Variants in ANGPTL3 observed in about 807,000 individuals in gnomAD.
ANGPTL3 encodes the protein angiopoietin-related protein 3.
A neutral mutation model predicts 52.7 loss-of-function variants in ANGPTL3; 51 were observed. That is an observed-to-expected ratio of 0.97 (90% CI 0.77 to 1.22). The LOEUF (loss-of-function observed/expected upper bound fraction) is 1.22, where lower values mean the gene tolerates loss of function less well. Among genes scored for constraint, ANGPTL3 ranks in the 50% most tolerant of loss-of-function variants. ANGPTL3 has a pLI of 0.00. For synonymous variants in ANGPTL3, 185 were observed against 179.8 expected (o/e 1.03, Z -0.23); for missense variants, 506 against 520.7 (o/e 0.97, Z 0.27).
chr1:62,603,647 G>A (rs1173041029), intron 5 of ANGPTL3, among the ~76,000 whole-genome samples: 2 of 151,616 alleles, frequency 1.3e-5, no homozygotes, highest in South Asian at 2.1e-4. Context: ...ATAAAGACTT[G>A]CAAATATTCC....
chr1:62,600,844 C>A (rs1038589701), intron 2 of ANGPTL3, among the ~76,000 whole-genome samples: 1 of 151,746 alleles, frequency 6.6e-6, no homozygotes, highest in African/African-American at 2.4e-5. Context: ...TGTTTTCCGA[C>A]CAATGTCTGC....
At chr1:62,599,859 C>T (rs1649850871) in intron 2 of ANGPTL3, among the ~76,000 whole-genome samples, 1 of 150,294 alleles carries the variant, frequency 6.7e-6, no homozygotes, top group Admixed American at 6.6e-5. Flanking sequence ...AAAGCTATGT[C>T]AGAATCCATG....
rs754529550 is a variant in ANGPTL3 at position 62,597,842 on chromosome 1, CAAA to C, written c.277_279del (p.Lys93del). 16 of 1,604,570 alleles carry C rather than the reference CAAA, an allele frequency of 1.0e-5. No homozygotes were observed. The South Asian group carries it at 1.7e-4, about 17-fold the overall frequency. The stretch of plus-strand genomic sequence containing the variant: ...ATCTATCGCTGCAAACCAGTGAAAT[CAAA>C]GAAGAAGAAAAGGAACTGAGAAGAA... On this transcript the variant is annotated inframe_deletion, in exon 1 of 7. Coordinates refer to ENST00000371129, the MANE Select transcript of ANGPTL3 (RefSeq NM_014495.4).
In ANGPTL3 at chr1:62,604,933, T is replaced by C. The variant is rs552342682; in HGVS notation, c.*116T>C. On this transcript the variant is annotated 3_prime_UTR_variant, in exon 7 of 7. Transcript: ENST00000371129. ...AAGCTTGAGAAATAGATTTTTTTTA[T>C]CTTAAAGTCACTGTCTATTTAAGAT... The C allele has an allele frequency of 7.6e-4, 822 of 1,086,212 alleles. 1 individual carries two copies. The highest frequency in any genetic ancestry group is 1.8e-3 in the Admixed American group (88 of 48,552). The allele number at this position is 1,086,212 out of a possible 1,614,324, so 67.3% of individuals were successfully genotyped here. A position where few individuals can be genotyped will look rare whatever the true frequency, so the allele number is the denominator to read the frequency against.
rs773424383 is a variant in ANGPTL3, at chr1:62,601,115, A to T, written c.640A>T (p.Ile214Phe). The change falls in exon 3 of 7, where the codon ATT (isoleucine) becomes TTT (phenylalanine). Residue 214 changes from isoleucine to phenylalanine, a missense_variant. By Grantham distance (21) the Ile-to-Phe change is conservative. Coordinates refer to ENST00000371129, the MANE Select transcript of ANGPTL3 (RefSeq NM_014495.4). ...RRTSIQEPTEISLSSKPRAPR... is the reference protein window; with the variant it reads ...RRTSIQEPTEFSLSSKPRAPR... ...GACTAGTATTCAAGAACCCACAGAA[A>T]TTTCTCTATCTTCCAAGCCAAGAGC... 1.1e-5 allele frequency: 17 copies of T among 1,609,762 alleles called. No homozygotes were observed. In the South Asian group the frequency reaches 1.8e-4, roughly 17 times the overall value.
chr1:62,604,001 T>G lies in ANGPTL3; in HGVS notation c.964T>G (p.Ser322Ala). ...EFWLGLEKIY[S>A]IVKQSNYVLR... ...TTGGTTGGGCCTAGAGAAGATATAC[T>G]CCATAGTGAAGCAATCTAATTATGT... The change falls in exon 6 of 7, where the codon TCC becomes GCC. Residue 322 changes from serine (S) to alanine (A), a missense_variant. Coordinates refer to ENST00000371129, the MANE Select transcript of ANGPTL3 (RefSeq NM_014495.4). 1 of 1,613,016 alleles carries G rather than the reference T, an allele frequency of 6.2e-7. No homozygotes were observed.
At position 62,602,266 on chromosome 1, in the gene ANGPTL3, TTTCA is replaced by T. The variant is rs1557783883; in HGVS notation, c.836-12_836-9del. 2.5e-6 allele frequency: 4 copies of T among 1,570,286 alleles called. No homozygotes were observed. In the South Asian group the frequency reaches 3.3e-5, roughly 13 times the overall value. On this transcript the variant is annotated splice_polypyrimidine_tract_variant and intron_variant, in intron 4 of 6. Coordinates refer to ENST00000371129, the MANE Select transcript of ANGPTL3 (RefSeq NM_014495.4). ...ACATAAATCTACTAAAAATACATGA[TTTCA>T]TTCATTATATTCAGGTAGTCCATGG...
chr1:62,600,399 CTAGGAAA>C (rs1649934791), intron 2 of ANGPTL3, among the ~76,000 whole-genome samples: 2 of 151,784 alleles, frequency 1.3e-5, no homozygotes, highest in Admixed American at 1.3e-4. Context: ...AAATAAGGTC[CTAGGAAA>C]TATCATTCAT....
In ANGPTL3 at chr1:62,598,711, C is replaced by G; in HGVS notation, c.511C>G (p.Gln171Glu). The G allele has an allele frequency of 6.2e-7, 1 of 1,607,834 alleles. No individual in the cohort carries two copies. Among genetic ancestry groups the G allele is most frequent in the African/African-American group, 1.3e-5 (1 of 74,808 alleles). Residue 171 changes from glutamine to glutamate, a missense_variant, in exon 2 of 7, where the codon CAA (glutamine) becomes GAA (glutamate). Transcript: ENST00000371129. Reference protein sequence around the residue: ...VTSLKTFVEKQDNSIKDLLQT... With the variant: ...VTSLKTFVEKEDNSIKDLLQT... ...CTATATCCAGACTTTTGTAGAAAAA[C>G]AAGATAATAGCATCAAAGACCTTCT... is the stretch of plus-strand genomic sequence containing the variant.
At chr1:62,599,265 G>A (rs1649754023) in intron 2 of ANGPTL3, among the ~76,000 whole-genome samples, 1 of 151,840 alleles carries the variant, frequency 6.6e-6, no homozygotes, top group African/African-American at 2.4e-5. Flanking sequence ...TATTCTGACC[G>A]CTTTACCAGT....
Position 62,597,626 on chromosome 1 carries a change from T to G in ANGPTL3, c.60T>G (p.Asp20Glu). 2 of 1,612,658 alleles carry G rather than the reference T, an allele frequency of 1.2e-6. No homozygotes were observed. The highest frequency in any genetic ancestry group is 4.5e-5 in the East Asian group (2 of 44,834). The change falls in exon 1 of 7, where the codon GAT becomes GAG. Residue 20 changes from aspartate to glutamate, a missense_variant. Asp to Glu is a conservative substitution (Grantham distance 45). Coordinates refer to ENST00000371129, the MANE Select transcript of ANGPTL3 (RefSeq NM_014495.4). The part of the protein sequence containing the change: ...IVPLVISSRI[D>E]QDNSSFDSLS... ...CTCTAGTTATTTCCTCCAGAATTGA[T>G]CAAGACAATTCATCATTTGATTCTC...
rs187494055 is a variant in ANGPTL3, at chr1:62,599,571, T to A, written c.606+765T>A. The stretch of plus-strand genomic sequence containing the variant: ...TATCTCTTCTATTCCTGCACTAAAA[T>A]GTAAGCTCTGTGAATACAGGGATTT... On this transcript the variant is annotated intron_variant, in intron 2 of 6. Transcript: ENST00000371129. 1.1e-4 allele frequency among the ~76,000 whole-genome samples: 16 copies of A among 152,232 alleles called. No individual in the cohort carries two copies. The South Asian group carries it at 3.3e-3, about 32-fold the overall frequency.
Position 62,601,314 on chromosome 1 carries a change from C to A in ANGPTL3, c.721+118C>A, listed in dbSNP as rs1650083786. ...TATCCATCAAATACAATGTATCAAC[C>A]TAAACTGGATGCTGGGGTTCTTTTT... is the stretch of plus-strand genomic sequence containing the variant. On this transcript the variant is annotated intron_variant, in intron 3 of 6. Transcript: ENST00000371129. 3 of 743,380 alleles carry A rather than the reference C, an allele frequency of 4.0e-6. No individual in the cohort carries two copies. In the East Asian group the frequency reaches 8.2e-5, roughly 20 times the overall value. The allele number at this position is 743,380 out of a possible 1,614,324, so 46.0% of individuals were successfully genotyped here.
At chr1:62,602,984 A>T (rs1374487984) in intron 5 of ANGPTL3, among the ~76,000 whole-genome samples, 1 of 151,736 alleles carries the variant, frequency 6.6e-6, no homozygotes, top group Non-Finnish European at 1.5e-5. Flanking sequence ...TCCATGAATG[A>T]TGTCTAAGTA....
rs148698903 is a variant in ANGPTL3 at position 62,604,129 on chromosome 1, G to A, written c.1092G>A (p.Ala364=). Reference sequence around the variant, plus strand: ...CCAACTATACGCTACATCTAGTTGCGATTACTGGCAATGTCCCCAATGCAA... The same window carrying A: ...CCAACTATACGCTACATCTAGTTGCAATTACTGGCAATGTCCCCAATGCAA... The part of the protein sequence containing the change: ...HETNYTLHLV[A]ITGNVPNAIP... The change falls in exon 6 of 7, where the codon GCG becomes GCA. Residue 364 remains alanine (A), a synonymous_variant. Coordinates refer to ENST00000371129, the MANE Select transcript of ANGPTL3 (RefSeq NM_014495.4). The A allele has an allele frequency of 2.5e-6, 4 of 1,613,150 alleles. No homozygotes were observed. The highest frequency in any genetic ancestry group is 1.7e-5 in the Admixed American group (1 of 59,904).
rs1650588273 is a variant in ANGPTL3, at chr1:62,604,173, T to G, written c.1136T>G (p.Leu379Trp). ...AATGCAATCCCGGAAAACAAAGATT[T>G]GGTGTTTTCTACTTGGGATCACAAA... ...VPNAIPENKD[L>W]VFSTWDHKAK... The change falls in exon 6 of 7, where the codon TTG (leucine) becomes TGG (tryptophan). Residue 379 changes from leucine (L) to tryptophan (W), a missense_variant. Leu to Trp is a moderately conservative substitution (Grantham distance 61). Coordinates refer to ENST00000371129, the MANE Select transcript of ANGPTL3 (RefSeq NM_014495.4). 1 of 1,613,256 alleles carries G rather than the reference T, an allele frequency of 6.2e-7. No individual in the cohort carries two copies. Among genetic ancestry groups the G allele is most frequent in the African/African-American group, 1.3e-5 (1 of 74,880 alleles).
chr1:62,597,587 T>C lies in ANGPTL3; in HGVS notation c.21T>C (p.Leu7=). 6.2e-7 allele frequency: 1 copy of C among 1,612,844 alleles called. No homozygotes were observed. The highest frequency in any genetic ancestry group is 8.5e-7 in the Non-Finnish European group (1 of 1,179,344). The change falls in exon 1 of 7, where the codon CTT becomes CTC. Residue 7 remains leucine, a synonymous_variant. Coordinates refer to ENST00000371129, the MANE Select transcript of ANGPTL3 (RefSeq NM_014495.4). MFTIKL[L]LFIVPLVISS... Reference sequence around the variant, plus strand: ...TAAAAATGTTCACAATTAAGCTCCTTCTTTTTATTGTTCCTCTAGTTATTT... The same window carrying C: ...TAAAAATGTTCACAATTAAGCTCCTCCTTTTTATTGTTCCTCTAGTTATTT...
At chr1:62,598,085 C>A (rs1289657754) in intron 1 of ANGPTL3, 24 bp downstream of exon 1, 1 of 1,553,378 alleles carries the variant, frequency 6.4e-7, no homozygotes, top group South Asian at 1.3e-5. Context: ...AAAGAGGGTT[C>A]ATGTTTATGT....
In ANGPTL3 at chr1:62,602,359, T is replaced by C; in HGVS notation, c.910T>C (p.Tyr304His). 6.2e-7 allele frequency: 1 copy of C among 1,610,864 alleles called. No individual in the cohort carries two copies. Residue 304 changes from tyrosine (Y) to histidine (H), a missense_variant, in exon 5 of 7, where the codon TAT becomes CAT. By Grantham distance (83) the Tyr-to-His change is moderately conservative (BLOSUM62 2). Transcript: ENST00000371129. Reference protein sequence around the residue: ...NFNETWENYKYGFGRLDGEFW... With the variant: ...NFNETWENYKHGFGRLDGEFW... ...CAATGAAACGTGGGAGAACTACAAA[T>C]ATGGTTTTGGGAGGCTTGATGGTAA...
Sources: allele counts gnomAD v4.1 joint callset (sites outside exome capture counted in the v4.1 genomes callset), GRCh38; gene constraint gnomAD v4.1.1; transcripts MANE v1.5; gene names NCBI Gene and HGNC (gene_info 2026-07-23, HGNC 2026-07-21).